The following HIRA variants were observed in gnomAD, a reference collection of about 807,000 sequenced individuals.
HIRA encodes the protein protein HIRA.
Under a neutral mutation model 126.6 loss-of-function variants are expected in HIRA, and 13 were observed. The observed-to-expected ratio is 0.10, with a 90% CI of 0.07 to 0.16. The LOEUF (loss-of-function observed/expected upper bound fraction) is 0.16. Ranked by LOEUF, HIRA falls within the 10% of genes least tolerant of loss-of-function variation. The pLI, the probability that HIRA is intolerant of heterozygous loss-of-function variation, is 1.00. For missense variants in HIRA, 834 were observed against 1,314.4 expected, an observed-to-expected ratio of 0.63 and a Z score of 5.65; for synonymous variants, 511 against 520.0, an observed-to-expected ratio of 0.98 and a Z score of 0.24.
chr22:19,401,070 T>C (rs929009218), intron 5 of HIRA, among the ~76,000 whole-genome samples: 3 of 152,104 alleles, frequency 2.0e-5, no homozygotes, highest in African/African-American at 7.2e-5. Context: ...TTCTCCTCCA[T>C]CTTCCTACAC....
rs1344390810 is a variant in HIRA at position 19,361,778 on chromosome 22, T to C, written c.1929A>G (p.Lys643=). The part of the protein sequence containing the change: ...LEVETVEKKK[K]GRPRKDSRLM... The stretch of plus-strand genomic sequence containing the variant: ...GACGAGAGTCCTTCCGAGGCCGCCC[T>C]TTCTTCTTCTTCTCTACTGTCTCTA... Residue 643 remains lysine, a synonymous_variant, in exon 16 of 25, where the codon AAA becomes AAG. Coordinates refer to ENST00000263208, the MANE Select transcript of HIRA (RefSeq NM_003325.4). The C allele has an allele frequency of 1.2e-6, 2 of 1,613,556 alleles. No homozygotes were observed. The highest frequency in any genetic ancestry group is 2.2e-5 in the East Asian group (1 of 44,892).
chr22:19,395,040 C>T (rs1156946082), intron 7 of HIRA, among the ~76,000 whole-genome samples: 3 of 152,170 alleles, frequency 2.0e-5, no homozygotes, highest in Admixed American at 2.0e-4. Context: ...TGAGGATACC[C>T]GCAAGGGAGA....
Position 19,431,513 on chromosome 22 carries a change from C to T in HIRA, c.-37G>A. On this transcript the variant is annotated 5_prime_UTR_variant, in exon 1 of 25. Coordinates refer to ENST00000263208, the MANE Select transcript of HIRA (RefSeq NM_003325.4). ...CGCCGCCGCCGGGCTGAGGCGAGCG[C>T]CGGGTCCCTCAGCGCGCCCGGGCCA... The T allele has an allele frequency of 6.4e-7, 1 of 1,551,474 alleles. No homozygotes were observed. Among genetic ancestry groups the T allele is most frequent in the Non-Finnish European group, 8.7e-7 (1 of 1,149,918 alleles).
intron 17 of HIRA, among the ~76,000 whole-genome samples, chr22:19,360,134 A>G (rs2088850255): frequency 1.3e-5 from 2 of 152,132 alleles, no homozygotes; most frequent in Admixed American, 1.3e-4. Flanking sequence ...CCTGTGGTAA[A>G]ATAGGCAGAA....
chr22:19,352,449 G>A (rs2088768379), intron 23 of HIRA, among the ~76,000 whole-genome samples: 1 of 152,154 alleles, frequency 6.6e-6, no homozygotes, highest in Non-Finnish European at 1.5e-5. Context: ...CAACCACATA[G>A]ACCTGGTGGG....
At chr22:19,348,956 T>G (rs1419279580) in intron 24 of HIRA, among the ~76,000 whole-genome samples, 1 of 151,136 alleles carries the variant, frequency 6.6e-6, no homozygotes, top group Non-Finnish European at 1.5e-5. Flanking sequence ...CAGCTAATTT[T>G]TTTTTTTAGT....
Position 19,372,633 on chromosome 22 carries a change from G to A in HIRA, c.1775+2998C>T, listed in dbSNP as rs183448506. 5.3e-3 allele frequency among the ~76,000 whole-genome samples: 795 copies of A among 149,554 alleles called. 4 individuals are homozygous for A. The highest frequency in any genetic ancestry group is 8.1e-3 in the Non-Finnish European group (546 of 67,688). ...TTTGCCCAGGCTGGAGTGAAGTGGC[G>A]TGATCTCTGCTCACTGCAACCTCTG... On this transcript the variant is annotated intron_variant, in intron 15 of 24. Coordinates refer to ENST00000263208, the MANE Select transcript of HIRA (RefSeq NM_003325.4).
chr22:19,347,295 G>C (rs1211760113), intron 24 of HIRA, among the ~76,000 whole-genome samples: 3 of 152,058 alleles, frequency 2.0e-5, no homozygotes, highest in African/African-American at 7.3e-5. Flanking sequence ...TTCCACATAG[G>C]GTAAAATGTC....
chr22:19,399,989 G>A lies in HIRA; in HGVS notation c.398-1902C>T, dbSNP rs186472797. On this transcript the variant is annotated intron_variant, in intron 5 of 24. Transcript: ENST00000263208. ...GTCCTGGAGGGGCACACATGCAAAC[G>A]CCAGGACAGCAGGGGAGTGCCCACA... is the stretch of plus-strand genomic sequence containing the variant. Among the ~76,000 whole-genome samples, 20 of 152,272 alleles carry A rather than the reference G, an allele frequency of 1.3e-4. No homozygotes were observed. The South Asian group carries it at 3.5e-3, about 27-fold the overall frequency.
intron 15 of HIRA, among the ~76,000 whole-genome samples, chr22:19,364,687 G>C (rs1344774142): frequency 6.6e-6 from 1 of 152,120 alleles, no homozygotes; most frequent in South Asian, 2.1e-4. Flanking sequence ...TCCACCAACT[G>C]GTTGTTCTCC....
intron 5 of HIRA, among the ~76,000 whole-genome samples, chr22:19,398,560 T>C (rs1303901078): frequency 6.6e-6 from 1 of 152,252 alleles, no homozygotes; most frequent in Non-Finnish European, 1.5e-5. Context: ...GTCTGGTTCA[T>C]GGACTGGGTC....
Position 19,385,732 on chromosome 22 carries a change from C to A in HIRA, c.1118G>T (p.Arg373Leu). The change falls in exon 12 of 25, where the codon CGC (arginine) becomes CTC (leucine). Residue 373 changes from arginine (R) to leucine (L), a missense_variant. This residue lies in a region of HIRA where 153 missense variants were observed against 270.6 expected (regional missense o/e 0.57). Coordinates refer to ENST00000263208, the MANE Select transcript of HIRA (RefSeq NM_003325.4). ...GDPLSEEEKSRIHQSTYGKSL... is the reference protein window; with the variant it reads ...GDPLSEEEKSLIHQSTYGKSL... ...CTTGCCATAGGTGGACTGGTGAATG[C>A]GGCTCTGGGGAAGCAAGGAGAGGCA... The A allele has an allele frequency of 6.2e-7, 1 of 1,612,740 alleles. No individual in the cohort carries two copies. The highest frequency in any genetic ancestry group is 8.5e-7 in the Non-Finnish European group (1 of 1,179,432).
At chr22:19,400,973 T>G (rs1335432452) in intron 5 of HIRA, among the ~76,000 whole-genome samples, 1 of 152,154 alleles carries the variant, frequency 6.6e-6, no homozygotes. Context: ...TCCGATCTAC[T>G]GATGCTGCCG....
chr22:19,410,973 T>C (rs920892197), intron 1 of HIRA, among the ~76,000 whole-genome samples, 195 bp from the exon 2 acceptor site: 3 of 152,234 alleles, frequency 2.0e-5, no homozygotes, highest in Non-Finnish European at 4.4e-5. Flanking sequence ...GGCATTTGTC[T>C]GCCATCTTGT....
intron 24 of HIRA, among the ~76,000 whole-genome samples, chr22:19,342,618 C>A (rs1556007884): frequency 1.3e-5 from 2 of 152,144 alleles, no homozygotes; most frequent in African/African-American, 4.8e-5. Context: ...GAACTCCTGA[C>A]CTCAGGTGAT....
intron 24 of HIRA, among the ~76,000 whole-genome samples, chr22:19,342,068 T>C (rs1324784245): frequency 6.6e-6 from 1 of 152,106 alleles, no homozygotes; most frequent in African/African-American, 2.4e-5. Flanking sequence ...AAAGGACTAA[T>C]ATCTGGAATC....
At chr22:19,375,610 G>A in intron 15 of HIRA, 21 bp downstream of exon 15, 2 of 1,612,054 alleles carry the variant, frequency 1.2e-6, no homozygotes, top group African/African-American at 1.3e-5. Context: ...GGTCCTTCAG[G>A]GTCCTGCAGC....
chr22:19,387,663 G>C, intron 11 of HIRA, 48 bp downstream of exon 11: 1 of 1,419,814 alleles, frequency 7.0e-7, no homozygotes, highest in East Asian at 2.3e-5. Context: ...CAGAGCTATT[G>C]TGGCAATGGC....
At chr22:19,343,599 C>T (rs1298553186) in intron 24 of HIRA, among the ~76,000 whole-genome samples, 3 of 151,870 alleles carry the variant, frequency 2.0e-5, no homozygotes, top group African/African-American at 7.3e-5. Flanking sequence ...GGAAAACACA[C>T]TGTTATTTTA....
Sources: gnomAD v4.1 joint callset for allele counts (sites outside exome capture counted in the v4.1 genomes callset) on GRCh38, gnomAD v4.1.1 for gene constraint, gnomAD v4.1.1 regional missense constraint, MANE v1.5 for transcripts, NCBI Gene and HGNC (gene_info 2026-07-23, HGNC 2026-07-21) for gene names.